CPE: variants seen among roughly 807,000 people sequenced by gnomAD.
CPE encodes the protein carbocypeptidase E.
A neutral mutation model predicts 53.5 loss-of-function variants in CPE; 17 were observed. The observed-to-expected ratio is 0.32, with a 90% confidence interval of 0.22 to 0.48. The LOEUF (loss-of-function observed/expected upper bound fraction) is 0.48, where lower values mean the gene tolerates loss of function less well. Among genes scored for constraint, CPE ranks in the 20% least tolerant of loss-of-function variants. The pLI, the probability that CPE is intolerant of heterozygous loss-of-function variation, is 0.99. For synonymous variants in CPE, 226 were observed against 228.8 expected, an observed-to-expected ratio of 0.99 and a Z score of 0.11; for missense variants, 524 against 614.7, an observed-to-expected ratio of 0.85 and a Z score of 1.56.
chr4:165,471,347 A>G (rs1344231162), intron 3 of CPE, among the ~76,000 whole-genome samples: 2 of 152,324 alleles, frequency 1.3e-5, no homozygotes, highest in Non-Finnish European at 2.9e-5. Flanking sequence ...CAAAAACTCA[A>G]AAACAACTGC....
In CPE at chr4:165,467,868, G is replaced by C. The variant is rs773137950; in HGVS notation, c.672+13G>C. ...TCAAAACACAAAGGTAGTGACCACG[G>C]GATAGTCTTCTTGGGTTCGTCTCTA... is the stretch of plus-strand genomic sequence containing the variant. On this transcript the variant is annotated intron_variant, in intron 3 of 8. Coordinates refer to ENST00000402744, the MANE Select transcript of CPE (RefSeq NM_001873.4). The C allele has an allele frequency of 9.3e-6, 15 of 1,612,374 alleles. No homozygotes were observed. The East Asian group carries it at 3.3e-4, about 36-fold the overall frequency.
chr4:165,455,457 G>A (rs1731884605), intron 1 of CPE, among the ~76,000 whole-genome samples: 1 of 152,092 alleles, frequency 6.6e-6, no homozygotes, highest in Non-Finnish European at 1.5e-5. Flanking sequence ...ATGCACAAAG[G>A]CATTTTGATA....
intron 1 of CPE, among the ~76,000 whole-genome samples, chr4:165,451,674 T>C (rs1211736143): frequency 6.6e-6 from 1 of 151,964 alleles, no homozygotes; most frequent in Non-Finnish European, 1.5e-5. Context: ...GAATTTTTAG[T>C]ACAGACGGGG....
At chr4:165,450,573 A>T (rs1265577692) in intron 1 of CPE, among the ~76,000 whole-genome samples, 1 of 152,212 alleles carries the variant, frequency 6.6e-6, no homozygotes, top group Non-Finnish European at 1.5e-5. Context: ...TAAAAATGTA[A>T]AACCATGCAT....
chr4:165,473,904 CCTTCAGCT>C (rs1732249998), intron 3 of CPE, among the ~76,000 whole-genome samples: 2 of 152,244 alleles, frequency 1.3e-5, no homozygotes, highest in Non-Finnish European at 2.9e-5. Context: ...GCAGAGAGCC[CCTTCAGCT>C]CAAGGCCATT....
Position 165,379,208 on chromosome 4 carries a change from G to A in CPE, c.-14G>A. ...CGCGTAGGAAGGCACGGCCGGCGGC[G>A]GCGGAGCGCAGCGATGGCCGGGCGA... On this transcript the variant is annotated 5_prime_UTR_variant, in exon 1 of 9. Coordinates refer to ENST00000402744, the MANE Select transcript of CPE (RefSeq NM_001873.4). The surrounding 1 kb of genome is among the most constrained non-coding windows in gnomAD (Gnocchi z 6.0). 1 of 1,225,438 alleles carries A rather than the reference G, an allele frequency of 8.2e-7. No homozygotes were observed. Among genetic ancestry groups the A allele is most frequent in the Non-Finnish European group, 1.0e-6 (1 of 985,574 alleles). The allele number at this position is 1,225,438 out of a possible 1,614,324, so 75.9% of individuals were successfully genotyped here. A position where few individuals can be genotyped will look rare whatever the true frequency, so the allele number is the denominator to read the frequency against.
At position 165,379,274 on chromosome 4, in the gene CPE, C is replaced by T. The variant is rs1730461430; in HGVS notation, c.53C>T (p.Ala18Val). Residue 18 changes from alanine to valine, a missense_variant, in exon 1 of 9, where the codon GCC (alanine) becomes GTC (valine). By Grantham distance (64) the Ala-to-Val change is moderately conservative (BLOSUM62 0). Transcript: ENST00000402744. The surrounding 1 kb of genome is among the most constrained non-coding windows in gnomAD (Gnocchi z 6.0). ...CTGGCTCTGTGCGGGGCACTGGCTGCCTGCGGGTGGCTCCTGGGCGCCGAA... is the reference window on the plus strand; with the variant it reads ...CTGGCTCTGTGCGGGGCACTGGCTGTCTGCGGGTGGCTCCTGGGCGCCGAA... ...ALLALCGALA[A>V]CGWLLGAEAQ... 2.1e-6 allele frequency: 3 copies of T among 1,462,868 alleles called. No individual in the cohort carries two copies. In the South Asian group the frequency reaches 4.1e-5, roughly 20 times the overall value. The allele number at this position is 1,462,868 out of a possible 1,614,324, so 90.6% of individuals were successfully genotyped here.
chr4:165,479,559 A>G (rs1057275652), intron 3 of CPE, among the ~76,000 whole-genome samples: 2 of 152,248 alleles, frequency 1.3e-5, no homozygotes, highest in Non-Finnish European at 2.9e-5. Context: ...GAGACCATAA[A>G]GAAAAGATCA....
intron 1 of CPE, among the ~76,000 whole-genome samples, chr4:165,463,760 A>T (rs752599804): frequency 2.0e-5 from 3 of 152,256 alleles, no homozygotes; most frequent in African/African-American, 7.2e-5. Flanking sequence ...ATAAGAAAAC[A>T]TGCAAAGCAC....
intron 1 of CPE, among the ~76,000 whole-genome samples, chr4:165,385,437 T>C (rs1250786855): frequency 7.2e-6 from 1 of 138,192 alleles, no homozygotes; most frequent in African/African-American, 2.9e-5. Context: ...TGTTCACAAA[T>C]GTTTGCTTTT....
chr4:165,380,714 A>C (rs1311335640), intron 1 of CPE, among the ~76,000 whole-genome samples: 2 of 152,232 alleles, frequency 1.3e-5, no homozygotes, highest in Non-Finnish European at 2.9e-5. Context: ...TTTGATCTTC[A>C]AATATATAGT....
At chr4:165,386,459 G>C in intron 1 of CPE, 1 of 368,566 alleles carries the variant, frequency 2.7e-6, no homozygotes, top group Non-Finnish European at 5.2e-6. Context: ...AAGCCATGTT[G>C]GTCGATGTTG....
intron 1 of CPE, among the ~76,000 whole-genome samples, chr4:165,382,480 T>C (rs1730519074): frequency 6.6e-6 from 1 of 152,200 alleles, no homozygotes; most frequent in African/African-American, 2.4e-5. Flanking sequence ...AATTTTGAGG[T>C]GAAATTGCTC....
intron 3 of CPE, among the ~76,000 whole-genome samples, chr4:165,470,260 A>T (rs915534987): frequency 2.6e-5 from 4 of 152,182 alleles, no homozygotes; most frequent in Non-Finnish European, 5.9e-5. Context: ...GGGGTTTTCT[A>T]TGTTGGCATG....
At chr4:165,471,509 C>A (rs1732206288) in intron 3 of CPE, among the ~76,000 whole-genome samples, 1 of 152,144 alleles carries the variant, frequency 6.6e-6, no homozygotes, top group South Asian at 2.1e-4. Context: ...TCATACTTGG[C>A]CTGGTTATTT....
rs533965856 is a variant in CPE at position 165,385,985 on chromosome 4, A to G, written c.307+6457A>G. ...GCTGGGGCTCTTTCTTTATGCTTCC[A>G]TATTTCTTTGGAGAGCTGTAAAGAA... On this transcript the variant is annotated intron_variant, in intron 1 of 8. Transcript: ENST00000402744. 6.6e-5 allele frequency among the ~76,000 whole-genome samples: 10 copies of G among 152,230 alleles called. No homozygotes were observed. The East Asian group carries it at 1.9e-3, about 29-fold the overall frequency.
chr4:165,443,132 G>A (rs1731643253), intron 1 of CPE, among the ~76,000 whole-genome samples: 1 of 152,132 alleles, frequency 6.6e-6, no homozygotes, highest in African/African-American at 2.4e-5. Context: ...CATTTTTGAG[G>A]GTTCCCTGGG....
intron 5 of CPE, 110 bp downstream of exon 5, chr4:165,484,714 T>A: frequency 9.8e-7 from 1 of 1,018,392 alleles, no homozygotes; most frequent in Non-Finnish European, 1.4e-6. Context: ...CCTCCATCAT[T>A]AAAAAGTAGA....
chr4:165,475,670 A>G (rs56963749), intron 3 of CPE, among the ~76,000 whole-genome samples: 15,036 of 152,242 alleles, frequency 0.099, 955 homozygotes, highest in Non-Finnish European at 0.14. Flanking sequence ...TTTTGGGGAA[A>G]TAGCCAACTT....
Sources: allele counts gnomAD v4.1 joint callset (sites outside exome capture counted in the v4.1 genomes callset), GRCh38; gene constraint gnomAD v4.1.1; non-coding constraint Gnocchi (gnomAD v3.1); transcripts MANE v1.5; gene names NCBI Gene and HGNC (gene_info 2026-07-23, HGNC 2026-07-21).